DNAJB4: variants seen among roughly 807,000 people sequenced by gnomAD.
DNAJB4 encodes dnaJ homolog subfamily B member 4.
DNAJB4 carries 10 observed loss-of-function variants against 26.6 expected under a neutral mutation model. The observed-to-expected ratio is 0.38, with a 90% CI of 0.23 to 0.64. The LOEUF (loss-of-function observed/expected upper bound fraction) is 0.64. DNAJB4 is among the 30% of genes least tolerant of loss of function. The pLI is 0.58. For synonymous variants in DNAJB4, 136 were observed against 134.8 expected, an observed-to-expected ratio of 1.01 and a Z score of -0.06; for missense variants, 328 against 408.2, an observed-to-expected ratio of 0.80 and a Z score of 1.69.
chr1:78,013,613 A>T lies in DNAJB4; in HGVS notation c.774A>T (p.Leu258Phe). The T allele has an allele frequency of 6.3e-7, 1 of 1,574,964 alleles. No individual in the cohort carries two copies. Reference sequence around the variant, plus strand: ...TAATTTATACTGCTAAAATTAGTTTACGAGAGGTAAGTTGGTAGGACCTAA... The same window carrying T: ...TAATTTATACTGCTAAAATTAGTTTTCGAGAGGTAAGTTGGTAGGACCTAA... ...SNIIYTAKISLREALCGCSIN... is the reference protein window; with the variant it reads ...SNIIYTAKISFREALCGCSIN... Residue 258 changes from leucine to phenylalanine, a missense_variant, in exon 2 of 3, where the codon TTA (leucine) becomes TTT (phenylalanine). By Grantham distance (22) the Leu-to-Phe change is conservative. Coordinates refer to ENST00000370763, the MANE Select transcript of DNAJB4 (RefSeq NM_007034.5).
chr1:77,993,153 A>G (rs1557503391), intron 1 of DNAJB4, among the ~76,000 whole-genome samples: 2 of 152,206 alleles, frequency 1.3e-5, no homozygotes, highest in African/African-American at 2.4e-5. Context: ...ATAAAGCAGA[A>G]GTTGGCAAAC....
intron 1 of DNAJB4, among the ~76,000 whole-genome samples, chr1:77,995,975 C>G (rs1660052420): frequency 6.6e-6 from 1 of 152,068 alleles, no homozygotes; most frequent in African/African-American, 2.4e-5. Flanking sequence ...AAAAAGAACT[C>G]TTTAAATTAT....
chr1:78,009,720 T>G (rs888885938), intron 1 of DNAJB4, among the ~76,000 whole-genome samples: 3 of 152,198 alleles, frequency 2.0e-5, no homozygotes, highest in Non-Finnish European at 4.4e-5. Flanking sequence ...TTTTCTTTTT[T>G]TTGTTGTTTT....
At chr1:77,979,603 C>G (rs1659437061), upstream of DNAJB4, 1 of 153,334 alleles carries the variant, frequency 6.5e-6, no homozygotes. Flanking sequence ...TAGCGGGAAC[C>G]CAGCATGATT....
intron 1 of DNAJB4, among the ~76,000 whole-genome samples, chr1:77,994,077 C>T (rs1571430161): frequency 6.6e-6 from 1 of 152,094 alleles, no homozygotes; most frequent in East Asian, 1.9e-4. Context: ...AAAGTTAATT[C>T]ATAGTTAAAG....
At chr1:77,981,025 TATTA>T (rs1557497605) in intron 1 of DNAJB4, among the ~76,000 whole-genome samples, 1 of 152,234 alleles carries the variant, frequency 6.6e-6, no homozygotes, top group African/African-American at 2.4e-5. Context: ...TTTCATATTT[TATTA>T]ATTAGGCAAT....
intron 1 of DNAJB4, among the ~76,000 whole-genome samples, chr1:78,007,672 T>C (rs1035712181): frequency 4.6e-5 from 7 of 152,252 alleles, no homozygotes; most frequent in Non-Finnish European, 8.8e-5. Flanking sequence ...GAAAGTATTA[T>C]ATTTGTTTGC....
intron 2 of DNAJB4, among the ~76,000 whole-genome samples, chr1:78,015,491 C>T (rs2102617041): frequency 7.1e-6 from 1 of 139,970 alleles, no homozygotes; most frequent in Admixed American, 7.3e-5. Context: ...AATGCATGTC[C>T]TGAAGGAATT....
upstream of DNAJB4, among the ~76,000 whole-genome samples, chr1:78,000,135 T>A (rs1220758332): frequency 1.3e-5 from 2 of 152,198 alleles, no homozygotes; most frequent in African/African-American, 2.4e-5. Flanking sequence ...GCTGTGTGTG[T>A]ATGTGTGAGT....
rs945262370 is a variant in DNAJB4 at position 77,985,024 on chromosome 1, C to T, written c.-32+4702C>T. 5.9e-5 allele frequency among the ~76,000 whole-genome samples: 9 copies of T among 152,232 alleles called. No individual in the cohort carries two copies. The South Asian group carries it at 1.0e-3, about 18-fold the overall frequency. Reference sequence around the variant, plus strand: ...GTGAACTGTCTTCTATATGAAGCATCGGTGTTTGGGTTGGAGGTTTTCTGC... The same window carrying T: ...GTGAACTGTCTTCTATATGAAGCATTGGTGTTTGGGTTGGAGGTTTTCTGC... On this transcript the variant is annotated intron_variant, in intron 1 of 2. Transcript: ENST00000426517.
At chr1:77,986,917 T>G (rs1160225333) in intron 1 of DNAJB4, among the ~76,000 whole-genome samples, 4 of 152,164 alleles carry the variant, frequency 2.6e-5, no homozygotes, top group Non-Finnish European at 5.9e-5. Context: ...CCCTAATGAT[T>G]GCATAATGGT....
At chr1:77,998,166 G>A (rs1016612613) in intron 1 of DNAJB4, among the ~76,000 whole-genome samples, 3 of 152,140 alleles carry the variant, frequency 2.0e-5, no homozygotes, top group African/African-American at 7.2e-5. Flanking sequence ...AGTTGAATGA[G>A]AGCAAGGATA....
chr1:77,992,908 G>A (rs552454793), intron 1 of DNAJB4: 1 of 152,294 alleles, frequency 6.6e-6, no homozygotes, highest in South Asian at 2.1e-4. Flanking sequence ...ATTTTTAGTA[G>A]AGACAGGGTT....
At chr1:78,001,336 C>T (rs1660189794), upstream of DNAJB4, among the ~76,000 whole-genome samples, 1 of 109,176 alleles carries the variant, frequency 9.2e-6, no homozygotes, top group South Asian at 2.9e-4. Flanking sequence ...CAAGCCCCAT[C>T]TCAAAAAAGA....
intron 1 of DNAJB4, among the ~76,000 whole-genome samples, chr1:77,994,655 GA>G (rs1441532758): frequency 1.3e-5 from 2 of 149,450 alleles, no homozygotes; most frequent in Non-Finnish European, 3.0e-5. Flanking sequence ...CCACATATAA[GA>G]AAAGAGTATG....
chr1:77,991,667 C>T (rs141233846), intron 1 of DNAJB4, among the ~76,000 whole-genome samples: 15 of 152,306 alleles, frequency 9.8e-5, no homozygotes, highest in African/African-American at 2.9e-4. Flanking sequence ...TACTTTTAAA[C>T]AAGTCTCCTT....
chr1:78,015,679 A>G (rs1281547915), intron 2 of DNAJB4, among the ~76,000 whole-genome samples: 2 of 150,376 alleles, frequency 1.3e-5, no homozygotes, highest in Non-Finnish European at 3.0e-5. Flanking sequence ...CTTCCCGAGT[A>G]GCTGGGATTA....
At chr1:77,980,280 C>T (rs533126059) in exon 1 of DNAJB4, 9 of 151,858 alleles carry the variant, frequency 5.9e-5, no homozygotes, top group African/African-American at 1.9e-4. Flanking sequence ...CCTGTGGGTA[C>T]TCAAATGTAA....
At position 77,994,111 on chromosome 1, in the gene DNAJB4, C is replaced by A. The variant is rs193116453; in HGVS notation, c.-31-10969C>A. ...AGTTTGGTACTGATTTAAATTAAAT[C>A]ATTTGAGAGGCCAGGCACAATGGCT... On this transcript the variant is annotated intron_variant, in intron 1 of 2. Coordinates refer to the DNAJB4 transcript ENST00000426517. Among the ~76,000 whole-genome samples the A allele has an allele frequency of 4.5e-3, 689 of 152,178 alleles. 3 individuals are homozygous for A. Among genetic ancestry groups the A allele is most frequent in the Non-Finnish European group, 6.0e-3 (406 of 67,980 alleles).
Sources: allele counts gnomAD v4.1 joint callset (sites outside exome capture counted in the v4.1 genomes callset), GRCh38; gene constraint gnomAD v4.1.1; transcripts MANE v1.5; gene names NCBI Gene and HGNC (gene_info 2026-07-23, HGNC 2026-07-21).